Variants in C9orf72 observed in about 807,000 individuals in gnomAD.
C9orf72 encodes the protein C9orf72-SMCR8 complex subunit.
C9orf72 carries 44 observed loss-of-function variants against 51.6 expected under a neutral mutation model. The observed-to-expected ratio is 0.85, with a 90% CI of 0.67 to 1.10. The LOEUF (loss-of-function observed/expected upper bound fraction) is 1.10, where lower values mean the gene tolerates loss of function less well. Among genes scored for constraint, C9orf72 ranks in the 50% least tolerant of loss-of-function variants. The pLI, the probability that C9orf72 is intolerant of heterozygous loss-of-function variation, is 0.00. For missense variants in C9orf72, 607 were observed against 570.6 expected (o/e 1.06, Z -0.65); for synonymous variants, 213 against 194.2 (o/e 1.10, Z -0.81).
intron 1 of C9orf72, among the ~76,000 whole-genome samples, chr9:27,568,841 T>C (rs1159193741): frequency 6.6e-6 from 1 of 152,174 alleles, no homozygotes; most frequent in Non-Finnish European, 1.5e-5. Context: ...TTCTACTTTT[T>C]TTTTTTTTAA....
At chr9:27,562,734 G>A (rs190826994) in intron 3 of C9orf72, among the ~76,000 whole-genome samples, 3 of 150,388 alleles carry the variant, frequency 2.0e-5, no homozygotes, top group South Asian at 2.1e-4. Context: ...GTGCAATGGC[G>A]TGATCTCAGC....
intron 5 of C9orf72, chr9:27,560,544 A>T: frequency 1.5e-6 from 1 of 678,160 alleles, no homozygotes; most frequent in Non-Finnish European, 1.9e-6. Flanking sequence ...CATTTAATTA[A>T]TGTATTTATT....
At chr9:27,548,454 A>AAAAAAAAAAAAAAAAAAC in intron 10 of C9orf72, 32 bp from the exon 11 acceptor site, 1 of 1,410,018 alleles carries the variant, frequency 7.1e-7, no homozygotes. Flanking sequence ...AAAAAAAAAA[A>AAAAAAAAAAAAAAAAAAC]AAAAAAAGAA....
At chr9:27,573,062 C>T (rs1349426239) in intron 1 of C9orf72, among the ~76,000 whole-genome samples, 1 of 152,152 alleles carries the variant, frequency 6.6e-6, no homozygotes, top group Non-Finnish European at 1.5e-5. Flanking sequence ...CTCCGGCCTT[C>T]CCCCAGGCGA....
intron 7 of C9orf72, 95 bp downstream of exon 7, chr9:27,558,396 G>C (rs1819260127): frequency 1.3e-6 from 1 of 742,482 alleles, no homozygotes; most frequent in Non-Finnish European, 2.4e-6. Context: ...GTCAATATGA[G>C]ATACATTAAA....
intron 5 of C9orf72, 42 bp downstream of exon 5, chr9:27,561,543 G>T (rs1485253908): frequency 1.2e-6 from 2 of 1,606,412 alleles, no homozygotes; most frequent in Admixed American, 1.7e-5. Flanking sequence ...GCATAAGATG[G>T]TATCTGCTTC....
rs186374633 is a variant in C9orf72, at chr9:27,569,518, T to C, written c.-44-2354A>G. 4.0e-4 allele frequency among the ~76,000 whole-genome samples: 61 copies of C among 152,336 alleles called. 2 individuals carry two copies. Among genetic ancestry groups the C allele is most frequent in the Admixed American group, 4.0e-3 (61 of 15,302 alleles). ...ACTGTGTTACAACTGTCTATAGTAT[T>C]CAGTACAGTAACAGTTGTACAGGTT... On this transcript the variant is annotated intron_variant, in intron 1 of 10. Transcript: ENST00000380003.
At chr9:27,550,402 G>A (rs1054807741) in intron 9 of C9orf72, among the ~76,000 whole-genome samples, 1 of 151,788 alleles carries the variant, frequency 6.6e-6, no homozygotes, top group African/African-American at 2.4e-5. Flanking sequence ...TTATTATATT[G>A]TAAACAAAGG....
chr9:27,568,820 G>C (rs1335266923), intron 1 of C9orf72, among the ~76,000 whole-genome samples: 1 of 151,720 alleles, frequency 6.6e-6, no homozygotes, highest in East Asian at 1.9e-4. Context: ...TGTTATTTTA[G>C]AGTGCACTCC....
At chr9:27,571,767 G>C (rs981583435) in intron 1 of C9orf72, among the ~76,000 whole-genome samples, 3 of 152,112 alleles carry the variant, frequency 2.0e-5, no homozygotes, top group Non-Finnish European at 4.4e-5. Flanking sequence ...CTCAATACTT[G>C]TAACCATGCT....
intron 8 of C9orf72, among the ~76,000 whole-genome samples, chr9:27,556,150 A>G (rs1238702032): frequency 6.6e-6 from 1 of 151,990 alleles, no homozygotes; most frequent in East Asian, 1.9e-4. Context: ...TTATATTCAT[A>G]TGTCAAGAAA....
At chr9:27,557,353 T>C (rs1261051334) in intron 7 of C9orf72, among the ~76,000 whole-genome samples, 2 of 152,146 alleles carry the variant, frequency 1.3e-5, no homozygotes, top group African/African-American at 2.4e-5. Context: ...CCAGTTACCA[T>C]GTAATAATAA....
chr9:27,548,695 T>C, intron 9 of C9orf72, 29 bp from the exon 10 acceptor site: 2 of 1,305,744 alleles, frequency 1.5e-6, no homozygotes, highest in Non-Finnish European at 2.2e-6. Flanking sequence ...TTTCAACACA[T>C]AATTTGCTCA....
At chr9:27,571,599 G>A (rs1239817992) in intron 1 of C9orf72, among the ~76,000 whole-genome samples, 1 of 152,104 alleles carries the variant, frequency 6.6e-6, no homozygotes, top group Non-Finnish European at 1.5e-5. Flanking sequence ...AGGACTACAG[G>A]TGCACATCAC....
At chr9:27,553,629 A>T (rs1390208832) in intron 8 of C9orf72, among the ~76,000 whole-genome samples, 1 of 152,176 alleles carries the variant, frequency 6.6e-6, no homozygotes, top group East Asian at 1.9e-4. Context: ...CCTAGGAAAT[A>T]CCATTCTGGA....
At chr9:27,567,870 G>A (rs1388296417) in intron 1 of C9orf72, among the ~76,000 whole-genome samples, 1 of 152,090 alleles carries the variant, frequency 6.6e-6, no homozygotes, top group Non-Finnish European at 1.5e-5. Flanking sequence ...AGGATTGCTG[G>A]TAACCACCAG....
intron 1 of C9orf72, among the ~76,000 whole-genome samples, chr9:27,568,670 G>A (rs1037934285): frequency 6.6e-6 from 1 of 152,170 alleles, no homozygotes; most frequent in African/African-American, 2.4e-5. Context: ...TTGCCTTAGT[G>A]ACACTGTAAC....
chr9:27,571,783 T>C (rs565238731), intron 1 of C9orf72, among the ~76,000 whole-genome samples: 1 of 152,132 alleles, frequency 6.6e-6, no homozygotes, highest in Non-Finnish European at 1.5e-5. Context: ...ATGCTGTTTA[T>C]TTTCTCCCAG....
chr9:27,552,102 G>C (rs1219456108), intron 8 of C9orf72, among the ~76,000 whole-genome samples: 1 of 152,172 alleles, frequency 6.6e-6, no homozygotes, highest in Non-Finnish European at 1.5e-5. Flanking sequence ...AACAGAAATA[G>C]TTTGACTTCT....
Sources: gnomAD v4.1 joint callset for allele counts (sites outside exome capture counted in the v4.1 genomes callset) on GRCh38, gnomAD v4.1.1 for gene constraint, MANE v1.5 for transcripts, NCBI Gene and HGNC (gene_info 2026-07-23, HGNC 2026-07-21) for gene names.